HIP1: variants seen among roughly 807,000 people sequenced by gnomAD.
HIP1 encodes huntingtin interacting protein 1, also known as huntingtin-interacting protein 1.
HIP1 carries 65 observed loss-of-function variants against 147.6 expected under a neutral mutation model. The observed-to-expected ratio is 0.44, with a 90% CI of 0.36 to 0.54. HIP1 has a LOEUF of 0.54. Ranked by LOEUF, HIP1 falls within the 20% of genes least tolerant of loss-of-function variation. The pLI, the probability that HIP1 is intolerant of heterozygous loss-of-function variation, is 0.00. For missense variants in HIP1, 1,061 were observed against 1,299.6 expected, an observed-to-expected ratio of 0.82 and a Z score of 2.82; for synonymous variants, 479 against 504.0, an observed-to-expected ratio of 0.95 and a Z score of 0.67.
intron 7 of HIP1, among the ~76,000 whole-genome samples, chr7:75,580,154 C>T (rs1554498347): frequency 6.6e-6 from 1 of 152,208 alleles, no homozygotes; most frequent in Non-Finnish European, 1.5e-5. Context: ...TGGGTGACAA[C>T]CAGTCCTGGG....
intron 1 of HIP1, among the ~76,000 whole-genome samples, chr7:75,717,668 T>TAAAAAAA (rs1801362505): frequency 2.4e-5 from 1 of 41,582 alleles, no homozygotes; most frequent in Non-Finnish European, 4.5e-5. Context: ...CTGTCTCTAC[T>TAAAAAAA]AAAAATACAA....
chr7:75,552,557 A>C (rs587610431), intron 22 of HIP1, among the ~76,000 whole-genome samples: 1 of 151,486 alleles, frequency 6.6e-6, no homozygotes, highest in South Asian at 2.1e-4. Context: ...GGGTCTCACT[A>C]TGTTGCCTAG....
chr7:75,627,630 G>A (rs905183950), intron 1 of HIP1, among the ~76,000 whole-genome samples: 1 of 152,166 alleles, frequency 6.6e-6, no homozygotes, highest in African/African-American at 2.4e-5. Flanking sequence ...AGAGGGCCTT[G>A]TTTATTGTGG....
At chr7:75,621,817 G>A (rs1306670145) in intron 1 of HIP1, among the ~76,000 whole-genome samples, 1 of 152,182 alleles carries the variant, frequency 6.6e-6, no homozygotes, top group East Asian at 1.9e-4. Flanking sequence ...AGGAGTCAAG[G>A]AGAACATCGT....
intron 1 of HIP1, among the ~76,000 whole-genome samples, chr7:75,657,909 C>G (rs145226656): frequency 1.7e-3 from 254 of 152,144 alleles, no homozygotes; most frequent in African/African-American, 5.8e-3. Flanking sequence ...CACACACACA[C>G]GCACATACAC....
intron 14 of HIP1, among the ~76,000 whole-genome samples, chr7:75,558,758 C>A (rs587707949): frequency 2.0e-5 from 3 of 152,216 alleles, no homozygotes; most frequent in East Asian, 3.9e-4. Flanking sequence ...GTGGCTCATG[C>A]CTATAATCCC....
intron 1 of HIP1, among the ~76,000 whole-genome samples, chr7:75,650,555 G>C (rs1179600): frequency 0.27 from 40,099 of 151,036 alleles, 5,460 homozygotes; most frequent in Middle Eastern, 0.37. Context: ...TGGGTTCAAG[G>C]GATTTTCCTG....
intron 7 of HIP1, among the ~76,000 whole-genome samples, chr7:75,580,603 G>A (rs1225909005): frequency 6.6e-6 from 1 of 152,154 alleles, no homozygotes; most frequent in African/African-American, 2.4e-5. Context: ...AGCCAGATGT[G>A]GTGGTGCGTG....
chr7:75,694,509 T>C lies in HIP1; in HGVS notation c.120+44292A>G, dbSNP rs868939075. On this transcript the variant is annotated intron_variant, in intron 1 of 30. Coordinates refer to ENST00000336926, the MANE Select transcript of HIP1 (RefSeq NM_005338.7). ...TTCTTTTTCTTTTCTTTCTTTCTTT[T>C]TTTTTTTTTTTTGAGGAGGGGGACA... is the stretch of plus-strand genomic sequence containing the variant. 1.3e-3 allele frequency among the ~76,000 whole-genome samples: 180 copies of C among 140,592 alleles called. 1 individual carries two copies. The highest frequency in any genetic ancestry group is 4.0e-3 in the African/African-American group (159 of 39,662). The allele number at this position is 140,592 out of a possible 152,430, so 92.2% of individuals were successfully genotyped here. A position where few individuals can be genotyped will look rare whatever the true frequency, so the allele number is the denominator to read the frequency against.
At chr7:75,683,889 A>G (rs932746606) in intron 1 of HIP1, among the ~76,000 whole-genome samples, 2 of 149,744 alleles carry the variant, frequency 1.3e-5, no homozygotes, top group Admixed American at 1.4e-4. Flanking sequence ...GCAGCCAACC[A>G]GCTACATGAA....
chr7:75,687,300 C>T (rs2117287171), intron 1 of HIP1, among the ~76,000 whole-genome samples: 1 of 152,314 alleles, frequency 6.6e-6, no homozygotes, highest in African/African-American at 2.4e-5. Context: ...GTACCTTTCT[C>T]ATGTCTGAAC....
intron 1 of HIP1, among the ~76,000 whole-genome samples, chr7:75,599,838 C>CTT (rs11322113): frequency 1.1e-4 from 13 of 122,400 alleles, no homozygotes; most frequent in Non-Finnish European, 1.3e-4. Flanking sequence ...AAATCGTTAA[C>CTT]TTTTTTTTTT....
At chr7:75,733,146 C>T (rs1454039019) in intron 1 of HIP1, among the ~76,000 whole-genome samples, 3 of 152,156 alleles carry the variant, frequency 2.0e-5, no homozygotes, top group Non-Finnish European at 4.4e-5. Context: ...CAGAATTGCC[C>T]TCTTGGCTGG....
chr7:75,564,536 C>T (rs954400909), intron 9 of HIP1, among the ~76,000 whole-genome samples: 3 of 152,026 alleles, frequency 2.0e-5, no homozygotes, highest in Admixed American at 6.6e-5. Flanking sequence ...TCAGGTGATC[C>T]GCCCGTCTCG....
intron 1 of HIP1, among the ~76,000 whole-genome samples, chr7:75,649,660 A>G (rs1229542033): frequency 6.6e-6 from 1 of 152,152 alleles, no homozygotes; most frequent in African/African-American, 2.4e-5. Context: ...AACCTCCCCC[A>G]GGAGGCTGTG....
intron 1 of HIP1, among the ~76,000 whole-genome samples, chr7:75,642,591 A>G (rs1045105163): frequency 3.3e-5 from 5 of 152,158 alleles, no homozygotes; most frequent in Non-Finnish European, 7.4e-5. Context: ...TGCTATAGAC[A>G]TATCTGCCCC....
chr7:75,562,538 T>C (rs1467670086), intron 11 of HIP1, among the ~76,000 whole-genome samples: 1 of 152,166 alleles, frequency 6.6e-6, no homozygotes, highest in Middle Eastern at 3.2e-3. Flanking sequence ...AGTGGCATGA[T>C]AACAGCTCAC....
At chr7:75,558,555 C>T (rs1333389954) in intron 14 of HIP1, among the ~76,000 whole-genome samples, 1 of 152,210 alleles carries the variant, frequency 6.6e-6, no homozygotes, top group African/African-American at 2.4e-5. Flanking sequence ...TTTCAAACTC[C>T]TGGGCTCAGG....
intron 1 of HIP1, among the ~76,000 whole-genome samples, chr7:75,716,215 A>G (rs1434171312): frequency 6.6e-6 from 1 of 151,828 alleles, no homozygotes; most frequent in Non-Finnish European, 1.5e-5. Context: ...TCACCAATCT[A>G]CGATTCCTGA....
Sources: allele counts gnomAD v4.1 joint callset (sites outside exome capture counted in the v4.1 genomes callset), GRCh38; gene constraint gnomAD v4.1.1; transcripts MANE v1.5; gene names NCBI Gene and HGNC (gene_info 2026-07-23, HGNC 2026-07-21).